Variants in SLC35G2 observed in about 807,000 individuals in gnomAD.
SLC35G2 encodes the protein transmembrane protein 22.
A neutral mutation model predicts 27.2 loss-of-function variants in SLC35G2; 20 were observed. The ratio of observed to expected loss-of-function variants is 0.74; its 90% CI spans 0.52 to 1.07. The LOEUF (loss-of-function observed/expected upper bound fraction) is 1.07, where lower values mean the gene tolerates loss of function less well. Among genes scored for constraint, SLC35G2 ranks in the 50% least tolerant of loss-of-function variants. The probability of loss-of-function intolerance (pLI) is 0.00; values close to 1 mark genes in which losing one functional copy is unlikely to be tolerated. For synonymous variants in SLC35G2, 148 were observed against 165.3 expected, an observed-to-expected ratio of 0.90 and a Z score of 0.80; for missense variants, 416 against 493.3, an observed-to-expected ratio of 0.84 and a Z score of 1.48.
chr3:136,854,601 T>G lies in SLC35G2; in HGVS notation c.141T>G (p.Asn47Lys). 1 of 1,612,728 alleles carries G rather than the reference T, an allele frequency of 6.2e-7. No individual in the cohort carries two copies. The change falls in exon 2 of 2, where the codon AAT (asparagine) becomes AAG (lysine). Residue 47 changes from asparagine (N) to lysine (K), a missense_variant. Asn to Lys is a moderately conservative substitution (Grantham distance 94). Coordinates refer to ENST00000446465, the MANE Select transcript of SLC35G2 (RefSeq NM_025246.3). ...GYEEINEGYG[N>K]FMEENPKKGL... is the part of the protein sequence containing the mutation. ...AAGAAATCAATGAAGGCTATGGAAA[T>G]TTTATGGAGGAAAATCCAAAGAAAG...
At chr3:136,851,519 A>AG (rs1276371687) in intron 1 of SLC35G2, among the ~76,000 whole-genome samples, 14 of 148,912 alleles carry the variant, frequency 9.4e-5, no homozygotes, top group African/African-American at 3.6e-4. Flanking sequence ...AAAAAAAAAA[A>AG]AAGATGAACA....
chr3:136,841,543 A>G (rs964894943), intron 1 of SLC35G2, among the ~76,000 whole-genome samples: 17 of 152,064 alleles, frequency 1.1e-4, no homozygotes, highest in African/African-American at 3.6e-4. Flanking sequence ...AGCCTGACTA[A>G]CATGGAGAAA....
intron 1 of SLC35G2, chr3:136,820,227 G>C (rs772758352): frequency 2.0e-5 from 3 of 152,290 alleles, no homozygotes; most frequent in Admixed American, 6.5e-5. Flanking sequence ...CTGGGGGTAG[G>C]TCCAGAGGGC....
chr3:136,832,077 G>A (rs993376648), intron 1 of SLC35G2, among the ~76,000 whole-genome samples: 10 of 151,522 alleles, frequency 6.6e-5, no homozygotes, highest in South Asian at 2.1e-4. Flanking sequence ...GCAGTGGCAC[G>A]ATCTCGGCTC....
chr3:136,840,256 C>G (rs1244959924), intron 1 of SLC35G2, among the ~76,000 whole-genome samples: 1 of 152,164 alleles, frequency 6.6e-6, no homozygotes, highest in Admixed American at 6.5e-5. Flanking sequence ...TTTTGGCTAG[C>G]ATGCCAAGGA....
intron 1 of SLC35G2, among the ~76,000 whole-genome samples, chr3:136,836,243 T>C (rs893352852): frequency 6.6e-6 from 1 of 152,202 alleles, no homozygotes; most frequent in African/African-American, 2.4e-5. Flanking sequence ...ACAGGGTTCA[T>C]TCTAGTCTTC....
At chr3:136,835,311 T>C (rs1936836326) in intron 1 of SLC35G2, among the ~76,000 whole-genome samples, 1 of 148,636 alleles carries the variant, frequency 6.7e-6, no homozygotes, top group Non-Finnish European at 1.5e-5. Flanking sequence ...CTTTTTCTTT[T>C]TTTTTTTTTT....
chr3:136,852,340 G>A (rs983459740), intron 1 of SLC35G2, among the ~76,000 whole-genome samples: 6 of 152,030 alleles, frequency 3.9e-5, no homozygotes, highest in African/African-American at 1.4e-4. Flanking sequence ...GAAAAGAAAG[G>A]AGTAAATAGG....
intron 1 of SLC35G2, among the ~76,000 whole-genome samples, chr3:136,848,966 G>A (rs1347532403): frequency 6.6e-6 from 1 of 152,028 alleles, no homozygotes; most frequent in East Asian, 1.9e-4. Context: ...GATCACCTGA[G>A]GTAGGGAGTT....
chr3:136,832,327 T>C (rs552932484), intron 1 of SLC35G2, among the ~76,000 whole-genome samples: 57 of 152,264 alleles, frequency 3.7e-4, no homozygotes, highest in African/African-American at 1.3e-3. Flanking sequence ...TCTTCTAATC[T>C]AGAAGTTTCT....
chr3:136,821,814 C>A (rs1000555204), intron 1 of SLC35G2, among the ~76,000 whole-genome samples: 1 of 152,172 alleles, frequency 6.6e-6, no homozygotes, highest in Non-Finnish European at 1.5e-5. Context: ...TATAGCAGAT[C>A]TTTAGAGCTT....
intron 1 of SLC35G2, among the ~76,000 whole-genome samples, chr3:136,849,558 C>T (rs1937548117): frequency 6.6e-6 from 1 of 151,618 alleles, no homozygotes; most frequent in South Asian, 2.1e-4. Context: ...GTGGTGCGAT[C>T]TTGGCTCACT....
chr3:136,844,797 CAAAAAA>C (rs58243269), intron 1 of SLC35G2, among the ~76,000 whole-genome samples: 8 of 35,760 alleles, frequency 2.2e-4, no homozygotes, highest in East Asian at 8.8e-4. Context: ...CTCTCTGTCT[CAAAAAA>C]AAAAAAAAAA....
intron 1 of SLC35G2, among the ~76,000 whole-genome samples, chr3:136,825,630 A>G (rs759737819): frequency 3.9e-5 from 6 of 152,182 alleles, no homozygotes; most frequent in South Asian, 2.1e-4. Context: ...AATTTTATCA[A>G]GTGCTTTCTC....
intron 1 of SLC35G2, among the ~76,000 whole-genome samples, chr3:136,844,661 A>G (rs965410745): frequency 6.7e-6 from 1 of 150,282 alleles, no homozygotes; most frequent in Non-Finnish European, 1.5e-5. Flanking sequence ...TTAGCTGGGC[A>G]TGGTGGCTAA....
At position 136,819,225 on chromosome 3, in the gene SLC35G2, C is replaced by G. The variant is rs1936379035; in HGVS notation, c.-422C>G. ...CGCCACGACACGCAGGTAACCGGGC[C>G]CCGGGAGCCGGTCGGCGGCGGCGGA... On this transcript the variant is annotated 5_prime_UTR_variant, in exon 1 of 2. Transcript: ENST00000446465. 1 of 152,272 alleles carries G rather than the reference C, an allele frequency of 6.6e-6. No individual in the cohort carries two copies. Among genetic ancestry groups the G allele is most frequent in the Non-Finnish European group, 1.5e-5 (1 of 68,064 alleles). 9.4% of individuals were successfully genotyped at this position (152,272 alleles called of 1,614,324 possible).
At chr3:136,831,015 G>A (rs1255035517) in intron 1 of SLC35G2, among the ~76,000 whole-genome samples, 1 of 152,170 alleles carries the variant, frequency 6.6e-6, no homozygotes, top group Admixed American at 6.5e-5. Flanking sequence ...CAAAGTATCA[G>A]CAACTTTACT....
chr3:136,854,817 T>G lies in SLC35G2; in HGVS notation c.357T>G (p.Ala119=). The change falls in exon 2 of 2, where the codon GCT becomes GCG. Residue 119 remains alanine (A), a synonymous_variant. Coordinates refer to ENST00000446465, the MANE Select transcript of SLC35G2 (RefSeq NM_025246.3). ...FGSALAHGCV[A]LITRLVSDRS... is the part of the protein sequence containing the mutation. ...CTGCTTTGGCTCATGGATGTGTAGC[T>G]CTTATCACTAGGCTTGTTTCTGATC... The G allele has an allele frequency of 6.2e-7, 1 of 1,614,182 alleles. No individual in the cohort carries two copies.
intron 1 of SLC35G2, among the ~76,000 whole-genome samples, chr3:136,848,884 C>A (rs991925299): frequency 1.6e-4 from 25 of 152,096 alleles, no homozygotes; most frequent in African/African-American, 6.0e-4. Context: ...CTTACCATTA[C>A]ATAATATATA....
Sources: gnomAD v4.1 joint callset for allele counts (sites outside exome capture counted in the v4.1 genomes callset) on GRCh38, gnomAD v4.1.1 for gene constraint, MANE v1.5 for transcripts, NCBI Gene and HGNC (gene_info 2026-07-23, HGNC 2026-07-21) for gene names.